SGMS1: variants seen among roughly 807,000 people sequenced by gnomAD.
SGMS1 encodes the protein sphingomyelin synthase 1.
A neutral mutation model predicts 46.2 loss-of-function variants in SGMS1; 13 were observed. The observed-to-expected ratio is 0.28, with a 90% CI of 0.18 to 0.45. SGMS1 has a LOEUF of 0.45. SGMS1 is among the 20% of genes least tolerant of loss of function. The pLI, the probability that SGMS1 is intolerant of heterozygous loss-of-function variation, is 1.00. For synonymous variants in SGMS1, 203 were observed against 187.8 expected (o/e 1.08, Z -0.66); for missense variants, 324 against 519.9 (o/e 0.62, Z 3.66).
At chr10:50,517,266 T>C (rs926931952) in intron 3 of SGMS1, among the ~76,000 whole-genome samples, 3 of 152,098 alleles carry the variant, frequency 2.0e-5, no homozygotes, top group Non-Finnish European at 4.4e-5. Context: ...CAATATCAAA[T>C]ATAGGATATG....
chr10:50,480,325 T>C (rs1158407841), intron 3 of SGMS1, among the ~76,000 whole-genome samples: 1 of 152,026 alleles, frequency 6.6e-6, no homozygotes, highest in East Asian at 1.9e-4. Flanking sequence ...AAGAATATCC[T>C]GGCAGTTAGT....
chr10:50,513,940 T>C (rs1313648819), intron 3 of SGMS1, among the ~76,000 whole-genome samples: 1 of 152,194 alleles, frequency 6.6e-6, no homozygotes, highest in Admixed American at 6.5e-5. Flanking sequence ...CCATGAAGAA[T>C]AGTTATGAAT....
intron 4 of SGMS1, among the ~76,000 whole-genome samples, chr10:50,465,436 A>G (rs10826036): frequency 0.16 from 24,488 of 152,156 alleles, 2,424 homozygotes; most frequent in East Asian, 0.26. Context: ...CTCAAAAAAA[A>G]ATGAGAAAAT....
At chr10:50,379,004 T>C (rs560014798) in intron 6 of SGMS1, among the ~76,000 whole-genome samples, 149 of 152,194 alleles carry the variant, frequency 9.8e-4, no homozygotes, top group Non-Finnish European at 1.9e-3. Flanking sequence ...GCAGAATATA[T>C]GGAATAAAAT....
At chr10:50,345,506 T>G (rs1446962528) in intron 6 of SGMS1, among the ~76,000 whole-genome samples, 1 of 152,146 alleles carries the variant, frequency 6.6e-6, no homozygotes, top group Non-Finnish European at 1.5e-5. Context: ...GTAGGGAAGA[T>G]TTTAAAGTAG....
chr10:50,619,544 G>A (rs996970406), intron 1 of SGMS1, among the ~76,000 whole-genome samples: 3 of 152,216 alleles, frequency 2.0e-5, no homozygotes, highest in Non-Finnish European at 2.9e-5. Context: ...GGCCTGGGGG[G>A]TGCTGGGAGG....
chr10:50,348,083 C>G (rs867748172), intron 6 of SGMS1, among the ~76,000 whole-genome samples: 7 of 152,220 alleles, frequency 4.6e-5, no homozygotes, highest in Middle Eastern at 6.8e-3. Flanking sequence ...CTGTGTCCAG[C>G]TCCCATTTAT....
chr10:50,601,277 C>G (rs1049304729), intron 1 of SGMS1, among the ~76,000 whole-genome samples: 3 of 152,168 alleles, frequency 2.0e-5, no homozygotes, highest in Non-Finnish European at 4.4e-5. Context: ...GGATGTTGGA[C>G]TTTTTCACAA....
At chr10:50,394,299 C>T (rs151011681) in intron 6 of SGMS1, among the ~76,000 whole-genome samples, 1 of 152,270 alleles carries the variant, frequency 6.6e-6, no homozygotes, top group African/African-American at 2.4e-5. Context: ...GTCGTGTTTC[C>T]TAAAACAAAG....
chr10:50,386,916 A>C (rs920286740), intron 6 of SGMS1, among the ~76,000 whole-genome samples: 1 of 152,188 alleles, frequency 6.6e-6, no homozygotes, highest in African/African-American at 2.4e-5. Context: ...AAGCAATTCT[A>C]CAAAAAGGGA....
chr10:50,575,730 T>A (rs1467020817), intron 2 of SGMS1, among the ~76,000 whole-genome samples: 2 of 152,106 alleles, frequency 1.3e-5, no homozygotes, highest in Non-Finnish European at 2.9e-5. Context: ...TCAAATTGTA[T>A]ACATTAATTA....
chr10:50,544,547 A>C (rs1297938860), intron 2 of SGMS1, among the ~76,000 whole-genome samples: 2 of 152,234 alleles, frequency 1.3e-5, no homozygotes. Flanking sequence ...TTCCTTAATA[A>C]ATTAAAATCA....
At chr10:50,480,810 AGCTGTTTTCCCCT>A (rs2133718759) in intron 3 of SGMS1, among the ~76,000 whole-genome samples, 1 of 152,290 alleles carries the variant, frequency 6.6e-6, no homozygotes, top group South Asian at 2.1e-4. Context: ...GGCCCTAGTC[AGCTGTTTTCCCCT>A]GCCAGTGCTA....
At chr10:50,333,571 C>T (rs1589389551) in intron 7 of SGMS1, among the ~76,000 whole-genome samples, 1 of 152,150 alleles carries the variant, frequency 6.6e-6, no homozygotes, top group African/African-American at 2.4e-5. Context: ...AAGGCCTTTC[C>T]ACCCATCACA....
At chr10:50,326,708 T>G (rs1349465858) in intron 8 of SGMS1, among the ~76,000 whole-genome samples, 1 of 152,194 alleles carries the variant, frequency 6.6e-6, no homozygotes, top group African/African-American at 2.4e-5. Context: ...TTAAAAAGAC[T>G]TCTTTGTTAC....
chr10:50,617,746 G>A lies in SGMS1; in HGVS notation c.-684+5961C>T, dbSNP rs146444555. On this transcript the variant is annotated intron_variant, in intron 1 of 10. Transcript: ENST00000361781. ...ATACCAATTAGCCAGGCTAATTTTTGTATTTTTTGTTCAGACAGGGTTTTG... is the reference window on the plus strand; with the variant it reads ...ATACCAATTAGCCAGGCTAATTTTTATATTTTTTGTTCAGACAGGGTTTTG... Among the ~76,000 whole-genome samples the A allele has an allele frequency of 9.5e-3, 1,439 of 151,044 alleles. 33 individuals are homozygous for A. Among genetic ancestry groups the A allele is most frequent in the African/African-American group, 0.033 (1,353 of 41,116 alleles).
At chr10:50,544,177 A>G (rs1838079845) in intron 2 of SGMS1, among the ~76,000 whole-genome samples, 2 of 152,248 alleles carry the variant, frequency 1.3e-5, no homozygotes, top group African/African-American at 2.4e-5. Context: ...AATGCCAGGA[A>G]CTGTCTGAAG....
At chr10:50,419,311 C>G (rs1454024349) in intron 6 of SGMS1, among the ~76,000 whole-genome samples, 1 of 152,192 alleles carries the variant, frequency 6.6e-6, no homozygotes, top group Non-Finnish European at 1.5e-5. Flanking sequence ...TGTAAACAAA[C>G]TGGCTCGTAA....
chr10:50,451,896 T>C (rs1398068610), intron 5 of SGMS1, among the ~76,000 whole-genome samples: 1 of 152,208 alleles, frequency 6.6e-6, no homozygotes, highest in Non-Finnish European at 1.5e-5. Context: ...TAACATATTC[T>C]ACTAATTGCA....
Sources: gnomAD v4.1 joint callset for allele counts (sites outside exome capture counted in the v4.1 genomes callset) on GRCh38, gnomAD v4.1.1 for gene constraint, MANE v1.5 for transcripts, NCBI Gene and HGNC (gene_info 2026-07-23, HGNC 2026-07-21) for gene names.